The following PTPRK variants were observed in gnomAD, a reference collection of about 807,000 sequenced individuals.
The protein encoded by PTPRK is protein tyrosine phosphatase receptor type K.
PTPRK carries 75 observed loss-of-function variants against 178.0 expected under a neutral mutation model. The observed-to-expected ratio is 0.42, with a 90% CI of 0.35 to 0.51. PTPRK has a LOEUF of 0.51. Among genes scored for constraint, PTPRK ranks in the 20% least tolerant of loss-of-function variants. The probability of loss-of-function intolerance (pLI) is 0.02; values close to 1 mark genes in which losing one functional copy is unlikely to be tolerated. For missense variants in PTPRK, 1,441 were observed against 1,797.8 expected (o/e 0.80, Z 3.59); for synonymous variants, 637 against 620.6 (o/e 1.03, Z -0.39).
intron 12 of PTPRK, among the ~76,000 whole-genome samples, chr6:128,065,802 A>C (rs1217986612): frequency 1.3e-5 from 2 of 152,176 alleles, no homozygotes; most frequent in African/African-American, 4.8e-5. Context: ...ATTATTTCAC[A>C]TTCCCATAAA....
At chr6:128,172,391 G>T (rs1316277862) in intron 7 of PTPRK, among the ~76,000 whole-genome samples, 1 of 151,810 alleles carries the variant, frequency 6.6e-6, no homozygotes, top group Non-Finnish European at 1.5e-5. Context: ...CACTGAAAGA[G>T]AGATAGGTGC....
At chr6:128,243,007 G>A (rs1367111046) in intron 3 of PTPRK, among the ~76,000 whole-genome samples, 2 of 152,160 alleles carry the variant, frequency 1.3e-5, no homozygotes, top group Non-Finnish European at 2.9e-5. Flanking sequence ...GAACACATTA[G>A]TAAGATAATC....
intron 3 of PTPRK, among the ~76,000 whole-genome samples, chr6:128,287,663 G>A (rs904478405): frequency 1.3e-5 from 2 of 152,072 alleles, no homozygotes; most frequent in African/African-American, 4.8e-5. Flanking sequence ...TTAACTTCTT[G>A]TCACCAAGCT....
intron 7 of PTPRK, among the ~76,000 whole-genome samples, chr6:128,159,174 T>C (rs1798341770): frequency 6.6e-6 from 1 of 151,676 alleles, no homozygotes; most frequent in Non-Finnish European, 1.5e-5. Context: ...AAAAACTTCA[T>C]GCAAAAAAGA....
intron 6 of PTPRK, among the ~76,000 whole-genome samples, chr6:128,216,078 AC>A (rs1809226557): frequency 6.6e-6 from 1 of 152,226 alleles, no homozygotes. Flanking sequence ...TAAATATAGA[AC>A]AACCTAAAGT....
chr6:128,052,147 C>A (rs1191272901), intron 13 of PTPRK, among the ~76,000 whole-genome samples: 1 of 152,146 alleles, frequency 6.6e-6, no homozygotes, highest in Admixed American at 6.5e-5. Flanking sequence ...GAAAAACACA[C>A]AAAGTTACAG....
intron 3 of PTPRK, among the ~76,000 whole-genome samples, chr6:128,294,026 T>G (rs1406842181): frequency 6.6e-6 from 1 of 152,090 alleles, no homozygotes; most frequent in Non-Finnish European, 1.5e-5. Flanking sequence ...TCTTTTTTCT[T>G]TTAATCTTTG....
intron 13 of PTPRK, among the ~76,000 whole-genome samples, chr6:128,051,427 C>T (rs1027441751): frequency 2.0e-5 from 3 of 152,320 alleles, no homozygotes; most frequent in South Asian, 4.1e-4. Flanking sequence ...CCCAGTCACT[C>T]TAATTGAATG....
At chr6:128,345,711 T>C (rs1832339668) in intron 2 of PTPRK, among the ~76,000 whole-genome samples, 1 of 152,318 alleles carries the variant, frequency 6.6e-6, no homozygotes, top group African/African-American at 2.4e-5. Flanking sequence ...GGAGAGATAA[T>C]ATATGTGCTA....
At chr6:127,991,179 T>C (rs9388612) in intron 20 of PTPRK, 115 bp downstream of exon 20, 208,399 of 736,192 alleles carry the variant, frequency 0.28, 32,061 homozygotes, top group East Asian at 0.46. Flanking sequence ...AACTAAAATG[T>C]TGTGCCTATA....
chr6:128,495,525 CCTCT>C (rs994781604), intron 1 of PTPRK, among the ~76,000 whole-genome samples: 6 of 151,962 alleles, frequency 3.9e-5, no homozygotes, highest in South Asian at 2.1e-4. Context: ...CTCATCCTTC[CCTCT>C]CTCTAAGTCC....
intron 5 of PTPRK, among the ~76,000 whole-genome samples, chr6:128,225,542 A>T (rs902854738): frequency 5.3e-5 from 8 of 152,200 alleles, no homozygotes; most frequent in African/African-American, 1.9e-4. Context: ...GATGATAAAG[A>T]TACTATCATC....
chr6:128,091,042 A>G (rs1786838056), intron 7 of PTPRK, among the ~76,000 whole-genome samples: 1 of 152,194 alleles, frequency 6.6e-6, no homozygotes, highest in African/African-American at 2.4e-5. Flanking sequence ...AAAAACAATC[A>G]GCATGCTAAA....
intron 1 of PTPRK, among the ~76,000 whole-genome samples, chr6:128,483,580 CCAAAACATAGTAA>C: frequency 6.6e-6 from 1 of 152,006 alleles, no homozygotes; most frequent in Non-Finnish European, 1.5e-5. Flanking sequence ...AAGGGAAGGT[CCAAAACATAGTAA>C]TGGAACTCTA....
intron 3 of PTPRK, among the ~76,000 whole-genome samples, chr6:128,306,255 T>C (rs367720354): frequency 6.6e-6 from 1 of 152,220 alleles, no homozygotes; most frequent in East Asian, 1.9e-4. Context: ...AAGAAGGTTA[T>C]AGCTCAGTGA....
At chr6:128,208,856 T>C (rs1168772276) in intron 6 of PTPRK, among the ~76,000 whole-genome samples, 1 of 152,188 alleles carries the variant, frequency 6.6e-6, no homozygotes, top group Non-Finnish European at 1.5e-5. Flanking sequence ...GATATGTTCC[T>C]AGCACCCCAA....
At chr6:128,053,217 C>T (rs531182302) in intron 13 of PTPRK, among the ~76,000 whole-genome samples, 1 of 146,480 alleles carries the variant, frequency 6.8e-6, no homozygotes, top group African/African-American at 2.7e-5. Flanking sequence ...TGTTTTTTAA[C>T]TTTCTCCCTG....
intron 1 of PTPRK, among the ~76,000 whole-genome samples, chr6:128,509,305 A>G (rs1350103975): frequency 6.6e-6 from 1 of 152,150 alleles, no homozygotes; most frequent in Non-Finnish European, 1.5e-5. Flanking sequence ...ATACATAGGA[A>G]ATACATATAT....
chr6:128,111,664 C>G (rs747401873), intron 7 of PTPRK, among the ~76,000 whole-genome samples: 3 of 152,124 alleles, frequency 2.0e-5, no homozygotes, highest in Non-Finnish European at 4.4e-5. Flanking sequence ...CTCTCTCTCA[C>G]CCAACCACCC....
Sources: gnomAD v4.1 joint callset for allele counts (sites outside exome capture counted in the v4.1 genomes callset) on GRCh38, gnomAD v4.1.1 for gene constraint, MANE v1.5 for transcripts, NCBI Gene and HGNC (gene_info 2026-07-23, HGNC 2026-07-21) for gene names.